The following ZBTB20 variants were observed in gnomAD, a reference collection of about 807,000 sequenced individuals.
ZBTB20 encodes the protein zinc finger and BTB domain-containing protein 20.
A neutral mutation model predicts 56.9 loss-of-function variants in ZBTB20; 9 were observed. The ratio of observed to expected loss-of-function variants is 0.16; its 90% CI spans 0.10 to 0.28. ZBTB20 has a LOEUF of 0.28. ZBTB20 is among the 10% of genes least tolerant of loss of function. The pLI, the probability that ZBTB20 is intolerant of heterozygous loss-of-function variation, is 1.00. For missense variants in ZBTB20, 655 were observed against 1,003.0 expected (o/e 0.65, Z 4.69); for synonymous variants, 417 against 420.7 (o/e 0.99, Z 0.11).
intron 2 of ZBTB20, among the ~76,000 whole-genome samples, chr3:114,992,089 T>A (rs993747446): frequency 6.6e-6 from 1 of 152,044 alleles, no homozygotes; most frequent in Non-Finnish European, 1.5e-5. Context: ...TCTCTTTCTG[T>A]CTTTTTTACT....
chr3:114,682,806 C>A (rs1364909085), intron 6 of ZBTB20, among the ~76,000 whole-genome samples: 3 of 152,106 alleles, frequency 2.0e-5, no homozygotes, highest in African/African-American at 7.2e-5. Context: ...TAAACTTTAC[C>A]ATATGACTTG....
chr3:115,084,281 G>A (rs2082903922), intron 1 of ZBTB20, among the ~76,000 whole-genome samples: 1 of 58,792 alleles, frequency 1.7e-5, no homozygotes, highest in Non-Finnish European at 4.6e-5. Context: ...TGCATGAAGA[G>A]TGCCAAAAAA....
intron 4 of ZBTB20, among the ~76,000 whole-genome samples, chr3:114,890,457 T>C (rs2076764705): frequency 6.6e-6 from 1 of 152,038 alleles, no homozygotes; most frequent in African/African-American, 2.4e-5. Flanking sequence ...CGTAGGGACA[T>C]GGATGAAGCT....
intron 2 of ZBTB20, among the ~76,000 whole-genome samples, chr3:115,006,423 A>G (rs1174405781): frequency 6.6e-6 from 1 of 151,436 alleles, no homozygotes; most frequent in African/African-American, 2.4e-5. Flanking sequence ...AAATGTGCTC[A>G]TATTAATTAA....
intron 5 of ZBTB20, among the ~76,000 whole-genome samples, chr3:114,770,501 A>G (rs1161577909): frequency 6.6e-6 from 1 of 151,180 alleles, no homozygotes; most frequent in African/African-American, 2.5e-5. Context: ...CTGTACCCCA[A>G]TAACTTATGG....
chr3:114,535,246 A>T (rs555160405), intron 6 of ZBTB20, among the ~76,000 whole-genome samples: 1 of 152,296 alleles, frequency 6.6e-6, no homozygotes, highest in East Asian at 1.9e-4. Flanking sequence ...ACCGCTAGCC[A>T]GACTAATCAA....
At chr3:114,574,005 ATTTGGGATTG>A (rs1156641982) in intron 6 of ZBTB20, among the ~76,000 whole-genome samples, 26 of 152,172 alleles carry the variant, frequency 1.7e-4, no homozygotes, top group African/African-American at 6.0e-4. Flanking sequence ...TCATTTTTAT[ATTTGGGATTG>A]TTTTAGGTAT....
At chr3:114,530,352 A>G (rs540158303) in intron 6 of ZBTB20, among the ~76,000 whole-genome samples, 2 of 152,322 alleles carry the variant, frequency 1.3e-5, no homozygotes, top group South Asian at 4.1e-4. Context: ...TGTTATAATT[A>G]CTTACAGTAT....
At chr3:114,711,126 T>C (rs1045122418) in intron 5 of ZBTB20, among the ~76,000 whole-genome samples, 11 of 152,212 alleles carry the variant, frequency 7.2e-5, no homozygotes, top group African/African-American at 2.7e-4. Flanking sequence ...TTCTAAATTA[T>C]ATATCCCTAT....
chr3:114,829,075 G>A (rs2108949568), intron 4 of ZBTB20, among the ~76,000 whole-genome samples: 1 of 151,890 alleles, frequency 6.6e-6, no homozygotes, highest in East Asian at 1.9e-4. Flanking sequence ...CTCTTATAAA[G>A]CAGTCACCTG....
chr3:115,074,347 T>C (rs983515939), intron 1 of ZBTB20, among the ~76,000 whole-genome samples: 7 of 152,186 alleles, frequency 4.6e-5, no homozygotes, highest in Non-Finnish European at 1.0e-4. Flanking sequence ...GATAGTGGGT[T>C]GGTAGTGGTG....
At chr3:115,138,106 T>G (rs768741222) in intron 1 of ZBTB20, among the ~76,000 whole-genome samples, 5 of 152,104 alleles carry the variant, frequency 3.3e-5, no homozygotes, top group Non-Finnish European at 5.9e-5. Flanking sequence ...TTGAATATAC[T>G]GTTTCTAGTC....
chr3:115,064,474 G>A (rs1189710116), intron 2 of ZBTB20, among the ~76,000 whole-genome samples: 12 of 119,826 alleles, frequency 1.0e-4, no homozygotes, highest in African/African-American at 3.1e-4. Context: ...TTTTTGAGAC[G>A]GAATTTCGCT....
chr3:114,981,489 T>C (rs1041113052), intron 2 of ZBTB20, among the ~76,000 whole-genome samples: 1 of 152,122 alleles, frequency 6.6e-6, no homozygotes, highest in Admixed American at 6.6e-5. Context: ...ATTTTCTTCC[T>C]ATATTTTTGT....
chr3:114,456,524 C>G (rs1487079124), intron 7 of ZBTB20, among the ~76,000 whole-genome samples: 1 of 152,102 alleles, frequency 6.6e-6, no homozygotes, highest in Non-Finnish European at 1.5e-5. Context: ...TTTCAGCATA[C>G]TATGTAGTTT....
At chr3:114,554,404 A>C (rs1417704102) in intron 6 of ZBTB20, among the ~76,000 whole-genome samples, 3 of 152,160 alleles carry the variant, frequency 2.0e-5, no homozygotes, top group African/African-American at 7.2e-5. Context: ...CTGCAAAGCA[A>C]GGGCTATTTT....
intron 2 of ZBTB20, among the ~76,000 whole-genome samples, chr3:115,070,978 T>C (rs1349509281): frequency 6.6e-6 from 1 of 150,594 alleles, no homozygotes; most frequent in East Asian, 2.0e-4. Context: ...TGAGCTATAG[T>C]ATCCTTTTCT....
At chr3:114,807,554 A>G (rs1012610584) in intron 4 of ZBTB20, among the ~76,000 whole-genome samples, 4 of 151,892 alleles carry the variant, frequency 2.6e-5, no homozygotes, top group Non-Finnish European at 2.9e-5. Context: ...AACAGAAGAC[A>G]TAAGAACTGA....
chr3:114,979,325 A>C (rs908758522), intron 2 of ZBTB20, among the ~76,000 whole-genome samples: 1 of 152,076 alleles, frequency 6.6e-6, no homozygotes, highest in African/African-American at 2.4e-5. Flanking sequence ...AAGATGCTCC[A>C]AATCAGTTTT....
Sources: gnomAD v4.1 joint callset for allele counts (sites outside exome capture counted in the v4.1 genomes callset) on GRCh38, gnomAD v4.1.1 for gene constraint, MANE v1.5 for transcripts, NCBI Gene and HGNC (gene_info 2026-07-23, HGNC 2026-07-21) for gene names.